CARMIL1: variants seen among roughly 807,000 people sequenced by gnomAD.
The protein encoded by CARMIL1 is capping protein regulator and myosin 1 linker 1.
Under a neutral mutation model 177.1 loss-of-function variants are expected in CARMIL1, and 90 were observed. The observed-to-expected ratio is 0.51, with a 90% CI of 0.43 to 0.61. The LOEUF is 0.61. Among genes scored for constraint, CARMIL1 ranks in the 20% least tolerant of loss-of-function variants. The probability of loss-of-function intolerance (pLI) is 0.00; values close to 1 mark genes in which losing one functional copy is unlikely to be tolerated. For missense variants in CARMIL1, 1,380 were observed against 1,667.0 expected, an observed-to-expected ratio of 0.83 and a Z score of 3.00; for synonymous variants, 577 against 606.2, an observed-to-expected ratio of 0.95 and a Z score of 0.71.
At chr6:25,467,645 A>G (rs1334771786) in intron 9 of CARMIL1, among the ~76,000 whole-genome samples, 1 of 152,162 alleles carries the variant, frequency 6.6e-6, no homozygotes, top group East Asian at 1.9e-4. Context: ...GTACCTAATC[A>G]TTTCAGTCCT....
chr6:25,329,968 A>G (rs761194470), intron 2 of CARMIL1, among the ~76,000 whole-genome samples: 16 of 152,216 alleles, frequency 1.1e-4, no homozygotes, highest in Non-Finnish European at 1.9e-4. Flanking sequence ...ACTTGATCCT[A>G]TTCAGCGTCA....
intron 2 of CARMIL1, among the ~76,000 whole-genome samples, chr6:25,397,247 C>T (rs955834958): frequency 1.3e-5 from 2 of 152,184 alleles, no homozygotes; most frequent in African/African-American, 4.8e-5. Flanking sequence ...TTCCCCAACT[C>T]CACAAAAGCA....
Position 25,510,758 on chromosome 6 carries a change from A to G in CARMIL1, c.1628A>G (p.Glu543Gly). 6.6e-7 allele frequency: 1 copy of G among 1,525,250 alleles called. No individual in the cohort carries two copies. The highest frequency in any genetic ancestry group is 2.4e-5 in the East Asian group (1 of 41,154). The allele number at this position is 1,525,250 out of a possible 1,614,324, so 94.5% of individuals were successfully genotyped here. The change falls in exon 20 of 37, where the codon GAA (glutamate) becomes GGA (glycine). Residue 543 changes from glutamate (E) to glycine (G), a missense_variant. Coordinates refer to ENST00000329474, the MANE Select transcript of CARMIL1 (RefSeq NM_017640.6). ...DNLVQMIQDE[E>G]SPLQSLSLAD... is the part of the protein sequence containing the mutation. Reference sequence around the variant, plus strand: ...TTAGTACAGATGATTCAAGATGAAGAATCAGTGAGTATTATGTTAAACTTT... The same window carrying G: ...TTAGTACAGATGATTCAAGATGAAGGATCAGTGAGTATTATGTTAAACTTT...
chr6:25,426,195 C>A (rs1206404766), intron 3 of CARMIL1, among the ~76,000 whole-genome samples: 8 of 152,126 alleles, frequency 5.3e-5, no homozygotes, highest in Admixed American at 5.2e-4. Context: ...ACTGTGATTG[C>A]TTTTGCACCA....
intron 26 of CARMIL1, among the ~76,000 whole-genome samples, chr6:25,545,801 A>G (rs394201): frequency 0.45 from 68,199 of 152,030 alleles, 15,492 homozygotes; most frequent in East Asian, 0.49. Flanking sequence ...ATTCTAACTC[A>G]TGGGTCAAAG....
At chr6:25,551,143 C>A in intron 27 of CARMIL1, 58 bp downstream of exon 27, 2 of 1,408,038 alleles carry the variant, frequency 1.4e-6, no homozygotes, top group East Asian at 2.3e-5. Context: ...GCAGTCGAGG[C>A]AGCTGTAAAG....
At chr6:25,459,210 T>TTTTTTCTTTCTTTCTTTCTTTC (rs1554200785) in intron 8 of CARMIL1, among the ~76,000 whole-genome samples, 3 of 80,178 alleles carry the variant, frequency 3.7e-5, no homozygotes, top group South Asian at 1.1e-3. Flanking sequence ...GATCCCAACT[T>TTTTTTCTTTCTTTCTTTCTTTC]TTTCTTTCTT....
At chr6:25,377,265 A>G (rs1292917036) in intron 2 of CARMIL1, among the ~76,000 whole-genome samples, 1 of 152,190 alleles carries the variant, frequency 6.6e-6, no homozygotes, top group African/African-American at 2.4e-5. Flanking sequence ...CTGTTGGGGT[A>G]GAGCCACAGA....
chr6:25,560,459 T>A (rs115852371), intron 29 of CARMIL1, among the ~76,000 whole-genome samples: 1 of 151,540 alleles, frequency 6.6e-6, no homozygotes, highest in South Asian at 2.1e-4. Context: ...TTAAAAAGCC[T>A]TCTTATTCAT....
In CARMIL1 at chr6:25,279,787, A is replaced by G. The variant is rs1022842027; in HGVS notation, c.-9A>G. ...GACCTGCAATAACCCCCACACCTAC[A>G]GGGCAACCATGACCGAGGAGAGCTC... On this transcript the variant is annotated 5_prime_UTR_variant, in exon 1 of 37. Coordinates refer to ENST00000329474, the MANE Select transcript of CARMIL1 (RefSeq NM_017640.6). 1 of 1,613,954 alleles carries G rather than the reference A, an allele frequency of 6.2e-7. No homozygotes were observed. The highest frequency in any genetic ancestry group is 8.5e-7 in the Non-Finnish European group (1 of 1,179,840).
At chr6:25,303,179 C>T (rs1408508628) in intron 2 of CARMIL1, among the ~76,000 whole-genome samples, 1 of 149,830 alleles carries the variant, frequency 6.7e-6, no homozygotes, top group Non-Finnish European at 1.5e-5. Context: ...TGAAAAGATT[C>T]GTTTTCTTAG....
At position 25,580,981 on chromosome 6, in the gene CARMIL1, A is replaced by T; in HGVS notation, c.2800A>T (p.Arg934Trp). The stretch of plus-strand genomic sequence containing the variant: ...TAGCCGAATGCTGCGGCCTGTTTCT[A>T]GGGCTTTTGGTAAGTGTTTTGCTGC... ...IHSRMLRPVS[R>W]AFEMEFDLDK... The change falls in exon 30 of 37, where the codon AGG (arginine) becomes TGG (tryptophan). Residue 934 changes from arginine to tryptophan, a missense_variant. Transcript: ENST00000329474. 1 of 1,598,600 alleles carries T rather than the reference A, an allele frequency of 6.3e-7. No homozygotes were observed. The highest frequency in any genetic ancestry group is 1.1e-5 in the South Asian group (1 of 87,996).
chr6:25,537,284 T>C (rs962901111), intron 24 of CARMIL1, among the ~76,000 whole-genome samples: 12 of 152,234 alleles, frequency 7.9e-5, no homozygotes, highest in African/African-American at 2.9e-4. Context: ...TGTTTTTTGG[T>C]GGCTCTTAAT....
chr6:25,397,656 G>A (rs1474245156), intron 2 of CARMIL1, among the ~76,000 whole-genome samples: 1 of 152,150 alleles, frequency 6.6e-6, no homozygotes, highest in Non-Finnish European at 1.5e-5. Context: ...TGAATAGCAT[G>A]GTATTCACTG....
At chr6:25,394,924 A>G (rs1359599293) in intron 2 of CARMIL1, among the ~76,000 whole-genome samples, 1 of 152,174 alleles carries the variant, frequency 6.6e-6, no homozygotes, top group Non-Finnish European at 1.5e-5. Flanking sequence ...TTGGGGAGAA[A>G]TACACCCAGG....
intron 36 of CARMIL1, among the ~76,000 whole-genome samples, chr6:25,614,912 C>G (rs893617693): frequency 6.6e-6 from 1 of 152,206 alleles, no homozygotes; most frequent in Non-Finnish European, 1.5e-5. Context: ...TTAAAATTCT[C>G]ATTGTGAGGA....
chr6:25,403,896 A>T (rs1405286586), intron 2 of CARMIL1, among the ~76,000 whole-genome samples: 1 of 152,242 alleles, frequency 6.6e-6, no homozygotes, highest in Non-Finnish European at 1.5e-5. Flanking sequence ...TGAATGAAAT[A>T]TAAGCTGCTT....
At chr6:25,521,693 C>A (rs34164888) in intron 23 of CARMIL1, among the ~76,000 whole-genome samples, 27,533 of 149,222 alleles carry the variant, frequency 0.18, 2,850 homozygotes, top group Admixed American at 0.22. Flanking sequence ...GGCGTGAACC[C>A]GGGAGACGGA....
At chr6:25,434,674 C>A (rs1395043859) in intron 4 of CARMIL1, among the ~76,000 whole-genome samples, 1 of 152,004 alleles carries the variant, frequency 6.6e-6, no homozygotes, top group Non-Finnish European at 1.5e-5. Context: ...CATGGGATTA[C>A]AGGCATGCAT....
Sources: gnomAD v4.1 joint callset for allele counts (sites outside exome capture counted in the v4.1 genomes callset) on GRCh38, gnomAD v4.1.1 for gene constraint, MANE v1.5 for transcripts, NCBI Gene and HGNC (gene_info 2026-07-23, HGNC 2026-07-21) for gene names.